The following PRSS8 variants were observed in gnomAD, a reference collection of about 807,000 sequenced individuals.
PRSS8 encodes the protein prostasin.
PRSS8 carries 11 observed loss-of-function variants against 26.7 expected under a neutral mutation model. The ratio of observed to expected loss-of-function variants is 0.41; its 90% CI spans 0.26 to 0.68. PRSS8 has a LOEUF of 0.68. Among genes scored for constraint, PRSS8 ranks in the 30% least tolerant of loss-of-function variants. The pLI is 0.30. For synonymous variants in PRSS8, 183 were observed against 187.0 expected (o/e 0.98, Z 0.17); for missense variants, 362 against 443.5 (o/e 0.82, Z 1.65).
Position 31,131,730 on chromosome 16 carries a change from A to G in PRSS8, c.*279T>C. 1 of 459,182 alleles carries G rather than the reference A, an allele frequency of 2.2e-6. No individual in the cohort carries two copies. Among genetic ancestry groups the G allele is most frequent in the East Asian group, 3.6e-5 (1 of 27,880 alleles). 28.4% of individuals were successfully genotyped at this position (459,182 alleles called of 1,614,324 possible). A position where few individuals can be genotyped will look rare whatever the true frequency, so the allele number is the denominator to read the frequency against. On this transcript the variant is annotated 3_prime_UTR_variant, in exon 6 of 6. Coordinates refer to ENST00000317508, the MANE Select transcript of PRSS8 (RefSeq NM_002773.5). ...GCTCATTTTCATAGCCAAGGGTCCC[A>G]GGAGCTCCCCAGGAGCTCGGCCAAT...
chr16:31,133,416 G>C lies in PRSS8; in HGVS notation c.104-28C>G. On this transcript the variant is annotated intron_variant, in intron 2 of 5. Transcript: ENST00000317508. The surrounding 1 kb of genome is among the most constrained non-coding windows in gnomAD (Gnocchi z 4.7). ...GCCCAGGGAGGAAGGGAAGGGGTCAGGTTGTTAGCCTGGCCACTCCTATGC... is the reference window on the plus strand; with the variant it reads ...GCCCAGGGAGGAAGGGAAGGGGTCACGTTGTTAGCCTGGCCACTCCTATGC... 6.2e-7 allele frequency: 1 copy of C among 1,611,664 alleles called. No homozygotes were observed. The highest frequency in any genetic ancestry group is 1.1e-5 in the South Asian group (1 of 90,970).
rs926279818 is a variant in PRSS8 at position 31,135,696 on chromosome 16, C to T, written c.-198G>A. 7 of 576,178 alleles carry T rather than the reference C, an allele frequency of 1.2e-5. No individual in the cohort carries two copies. Among genetic ancestry groups the T allele is most frequent in the East Asian group, 2.9e-5 (1 of 34,968 alleles). 35.7% of individuals were successfully genotyped at this position (576,178 alleles called of 1,614,324 possible). ...CGGGAGACGCCTGGAGTATCCGAAGCGAGCAGTGTGGACGAGTCACCAGCA... is the reference window on the plus strand; with the variant it reads ...CGGGAGACGCCTGGAGTATCCGAAGTGAGCAGTGTGGACGAGTCACCAGCA... On this transcript the variant is annotated 5_prime_UTR_variant, in exon 1 of 6. Transcript: ENST00000317508.
Position 31,133,159 on chromosome 16 carries a change from A to G in PRSS8, c.266+67T>C, listed in dbSNP as rs760690491. ...TCTCAGACCCAACCCAAGAACCCCA[A>G]CCTCTGACCTGGATTGACCCATTAA... On this transcript the variant is annotated intron_variant, in intron 3 of 5. Coordinates refer to ENST00000317508, the MANE Select transcript of PRSS8 (RefSeq NM_002773.5). The surrounding 1 kb of genome is among the most constrained non-coding windows in gnomAD (Gnocchi z 4.7). The G allele has an allele frequency of 6.8e-6, 11 of 1,608,422 alleles. No individual in the cohort carries two copies. The highest frequency in any genetic ancestry group is 4.4e-5 in the South Asian group (4 of 90,850).
chr16:31,134,934 G>A (rs900640345), intron 2 of PRSS8: 12 of 596,228 alleles, frequency 2.0e-5, no homozygotes, highest in Non-Finnish European at 3.5e-5. Context: ...GGAGTCAGAC[G>A]TGGATCTGAA....
chr16:31,135,550 C>T lies in PRSS8; in HGVS notation c.-52G>A. The T allele has an allele frequency of 2.1e-6, 3 of 1,436,604 alleles. No homozygotes were observed. Among genetic ancestry groups the T allele is most frequent in the Non-Finnish European group, 2.8e-6 (3 of 1,075,728 alleles). The allele number at this position is 1,436,604 out of a possible 1,614,324, so 89.0% of individuals were successfully genotyped here. A position where few individuals can be genotyped will look rare whatever the true frequency, so the allele number is the denominator to read the frequency against. On this transcript the variant is annotated 5_prime_UTR_variant, in exon 1 of 6. Transcript: ENST00000317508. Reference sequence around the variant, plus strand: ...GACTCCAGGCACGCAAGGTAGGAAGCCTTGGGGTGGTGTCGAAGGCAGGAC... The same window carrying T: ...GACTCCAGGCACGCAAGGTAGGAAGTCTTGGGGTGGTGTCGAAGGCAGGAC...
rs563382899 is a variant in PRSS8, at chr16:31,132,091, G to C, written c.950C>G (p.Ala317Gly). 63 of 1,609,398 alleles carry C rather than the reference G, an allele frequency of 3.9e-5. No individual in the cohort carries two copies. The highest frequency in any genetic ancestry group is 6.8e-5 in the Admixed American group (4 of 59,218). ...GSHLAFSSAP[A>G]QGLLRPILFL... is the part of the protein sequence containing the mutation. ...AAGGATGGGCCTCAGCAAGCCCTGG[G>C]CTGGGGCAGAGCTGAAGGCCAGGTG... is the stretch of plus-strand genomic sequence containing the variant. The change falls in exon 6 of 6, where the codon GCC (alanine) becomes GGC (glycine). Residue 317 changes from alanine to glycine, a missense_variant. By Grantham distance (60) the Ala-to-Gly change is moderately conservative. Transcript: ENST00000317508. This position sits in a 1 kb window ranked among gnomAD's most constrained non-coding sequence, Gnocchi z 5.2.
Position 31,133,198 on chromosome 16 carries a change from C to A in PRSS8, c.266+28G>T. ...TTGACCCATTAACTTTGACCTCCAG[C>A]CCACTTTTGACTTTCACCATTTGGT... On this transcript the variant is annotated intron_variant, in intron 3 of 5. Coordinates refer to ENST00000317508, the MANE Select transcript of PRSS8 (RefSeq NM_002773.5). This position sits in a 1 kb window ranked among gnomAD's most constrained non-coding sequence, Gnocchi z 4.7. 1 of 1,613,494 alleles carries A rather than the reference C, an allele frequency of 6.2e-7. No individual in the cohort carries two copies. Among genetic ancestry groups the A allele is most frequent in the Non-Finnish European group, 8.5e-7 (1 of 1,179,868 alleles).
chr16:31,133,192 C>T lies in PRSS8; in HGVS notation c.266+34G>A, dbSNP rs1440085734. On this transcript the variant is annotated intron_variant, in intron 3 of 5. Transcript: ENST00000317508. This position sits in a 1 kb window ranked among gnomAD's most constrained non-coding sequence, Gnocchi z 4.7. ...CCTGGATTGACCCATTAACTTTGAC[C>T]TCCAGCCCACTTTTGACTTTCACCA... The T allele has an allele frequency of 1.2e-6, 2 of 1,613,146 alleles. No homozygotes were observed. The highest frequency in any genetic ancestry group is 2.2e-5 in the East Asian group (1 of 44,892).
rs1372695276 is a variant in PRSS8, at chr16:31,133,362, G to A, written c.130C>T (p.Arg44Cys). The A allele has an allele frequency of 3.7e-6, 6 of 1,613,852 alleles. No homozygotes were observed. The highest frequency in any genetic ancestry group is 1.3e-5 in the African/African-American group (1 of 74,926). Residue 44 changes from arginine to cysteine, a missense_variant, in exon 3 of 6, where the codon CGC becomes TGC. Arg to Cys is a radical substitution (Grantham distance 180, BLOSUM62 -3). Coordinates refer to ENST00000317508, the MANE Select transcript of PRSS8 (RefSeq NM_002773.5). This position sits in a 1 kb window ranked among gnomAD's most constrained non-coding sequence, Gnocchi z 4.7. ...ACTGCACTGCTGCCACCTGTGATGC[G>A]TGCTTGGGGGGCCACACCGCAGGGA... The part of the protein sequence containing the change: ...EAPCGVAPQA[R>C]ITGGSSAVAG...
At position 31,133,424 on chromosome 16, in the gene PRSS8, G is replaced by A. The variant is rs1275458886; in HGVS notation, c.104-36C>T. The A allele has an allele frequency of 1.2e-6, 2 of 1,609,902 alleles. No individual in the cohort carries two copies. The highest frequency in any genetic ancestry group is 2.2e-5 in the East Asian group (1 of 44,850). ...AGGAAGGGAAGGGGTCAGGTTGTTA[G>A]CCTGGCCACTCCTATGCAGCCCAGG... On this transcript the variant is annotated intron_variant, in intron 2 of 5. Transcript: ENST00000317508. This position sits in a 1 kb window ranked among gnomAD's most constrained non-coding sequence, Gnocchi z 4.7.
chr16:31,132,840 A>T lies in PRSS8; in HGVS notation c.380T>A (p.Leu127His). 1 of 1,613,744 alleles carries T rather than the reference A, an allele frequency of 6.2e-7. No individual in the cohort carries two copies. Among genetic ancestry groups the T allele is most frequent in the African/African-American group, 1.3e-5 (1 of 74,962 alleles). The change falls in exon 4 of 6, where the codon CTC becomes CAC. Residue 127 changes from leucine (L) to histidine (H), a missense_variant. Coordinates refer to ENST00000317508, the MANE Select transcript of PRSS8 (RefSeq NM_002773.5). This position sits in a 1 kb window ranked among gnomAD's most constrained non-coding sequence, Gnocchi z 5.2. The part of the protein sequence containing the change: ...LKDIIPHPSY[L>H]QEGSQGDIAL... The stretch of plus-strand genomic sequence containing the variant: ...AATGTCGCCCTGGGAGCCCTCCTGG[A>T]GGTAGCTGGGGTGGGGGATGATGTC...
At chr16:31,135,358 T>G in intron 1 of PRSS8, 56 bp downstream of exon 1, 2 of 1,572,748 alleles carry the variant, frequency 1.3e-6, no homozygotes, top group Non-Finnish European at 1.7e-6. Context: ...CAGAAAATGA[T>G]CACGCCGGCT....
rs749828466 is a variant in PRSS8, at chr16:31,133,229, G to A, written c.263C>T (p.Pro88Leu). The A allele has an allele frequency of 6.2e-7, 1 of 1,613,842 alleles. No individual in the cohort carries two copies. Reference sequence around the variant, plus strand: ...TTTGACTTTCACCATTTGGTACCTGGGGAAGCAGTGAGCAGCTGACAGCAC... The same window carrying A: ...TTTGACTTTCACCATTTGGTACCTGAGGAAGCAGTGAGCAGCTGACAGCAC... ...QWVLSAAHCF[P>L]SEHHKEAYEV... Residue 88 changes from proline to leucine, a missense_variant, in exon 3 of 6, where the codon CCC becomes CTC. Physicochemically the swap from Pro to Leu is moderately conservative, Grantham distance 98. Transcript: ENST00000317508. This position sits in a 1 kb window ranked among gnomAD's most constrained non-coding sequence, Gnocchi z 4.7.
At position 31,132,853 on chromosome 16, in the gene PRSS8, G is replaced by T. The variant is rs184261629; in HGVS notation, c.367C>A (p.His123Asn). The T allele has an allele frequency of 2.3e-4, 373 of 1,613,890 alleles. 2 individuals carry two copies. The highest frequency in any genetic ancestry group is 2.9e-4 in the South Asian group (26 of 91,084). Residue 123 changes from histidine (H) to asparagine (N), a missense_variant, in exon 4 of 6, where the codon CAC (histidine) becomes AAC (asparagine). His to Asn is a moderately conservative substitution (Grantham distance 68). Coordinates refer to ENST00000317508, the MANE Select transcript of PRSS8 (RefSeq NM_002773.5). This position sits in a 1 kb window ranked among gnomAD's most constrained non-coding sequence, Gnocchi z 5.2. ...GAGCCCTCCTGGAGGTAGCTGGGGT[G>T]GGGGATGATGTCCTTCAGGGTGCTG... The part of the protein sequence containing the change: ...KVSTLKDIIP[H>N]PSYLQEGSQG...
At position 31,133,355 on chromosome 16, in the gene PRSS8, G is replaced by A. The variant is rs752206503; in HGVS notation, c.137C>T (p.Thr46Ile). 1.9e-6 allele frequency: 3 copies of A among 1,613,996 alleles called. No homozygotes were observed. The highest frequency in any genetic ancestry group is 2.5e-6 in the Non-Finnish European group (3 of 1,179,892). ...ACCGGCGACTGCACTGCTGCCACCTGTGATGCGTGCTTGGGGGGCCACACC... is the reference window on the plus strand; with the variant it reads ...ACCGGCGACTGCACTGCTGCCACCTATGATGCGTGCTTGGGGGGCCACACC... ...PCGVAPQARITGGSSAVAGQW... is the reference protein window; with the variant it reads ...PCGVAPQARIIGGSSAVAGQW... The change falls in exon 3 of 6, where the codon ACA (threonine) becomes ATA (isoleucine). Residue 46 changes from threonine to isoleucine, a missense_variant. By Grantham distance (89) the Thr-to-Ile change is moderately conservative (BLOSUM62 -1). Transcript: ENST00000317508. This position sits in a 1 kb window ranked among gnomAD's most constrained non-coding sequence, Gnocchi z 4.7.
chr16:31,132,877 T>A lies in PRSS8; in HGVS notation c.343A>T (p.Ser115Cys). ...LDSYSEDAKV[S>C]TLKDIIPHPS... ...TGGGGGATGATGTCCTTCAGGGTGC[T>A]GACCTTGGCGTCCTCGGAGTAGGAG... Residue 115 changes from serine (S) to cysteine (C), a missense_variant, in exon 4 of 6, where the codon AGC becomes TGC. Transcript: ENST00000317508. The surrounding 1 kb of genome is among the most constrained non-coding windows in gnomAD (Gnocchi z 5.2). The A allele has an allele frequency of 6.2e-7, 1 of 1,613,792 alleles. No individual in the cohort carries two copies. The highest frequency in any genetic ancestry group is 8.5e-7 in the Non-Finnish European group (1 of 1,179,816).
rs898272162 is a variant in PRSS8 at position 31,132,777 on chromosome 16, C to T, written c.443G>A (p.Arg148His). 1.2e-5 allele frequency: 20 copies of T among 1,613,798 alleles called. No individual in the cohort carries two copies. Among genetic ancestry groups the T allele is most frequent in the Non-Finnish European group, 1.6e-5 (19 of 1,179,870 alleles). The change falls in exon 4 of 6, where the codon CGC (arginine) becomes CAC (histidine). Residue 148 changes from arginine (R) to histidine (H), a missense_variant. Physicochemically the swap from Arg to His is conservative, Grantham distance 29. Transcript: ENST00000317508. This position sits in a 1 kb window ranked among gnomAD's most constrained non-coding sequence, Gnocchi z 5.2. ...LQLSRPITFSRYIRPICLPAA... is the reference protein window; with the variant it reads ...LQLSRPITFSHYIRPICLPAA... ...AGGGAGGCAGATGGGCCGGATGTAG[C>T]GGGAGAAGGTGATGGGTCTGCTGAG... is the stretch of plus-strand genomic sequence containing the variant.
chr16:31,133,504 C>T lies in PRSS8; in HGVS notation c.104-116G>A. ...TCACAGGAGTCAACACCCCTTTGTC[C>T]CCTCCCAGGCATGGGCAGTTGTGCC... On this transcript the variant is annotated intron_variant, in intron 2 of 5. Transcript: ENST00000317508. This position sits in a 1 kb window ranked among gnomAD's most constrained non-coding sequence, Gnocchi z 4.7. 1 of 1,296,162 alleles carries T rather than the reference C, an allele frequency of 7.7e-7. No individual in the cohort carries two copies. The highest frequency in any genetic ancestry group is 1.4e-5 in the South Asian group (1 of 70,418). 80.3% of individuals were successfully genotyped at this position (1,296,162 alleles called of 1,614,324 possible).
rs756778598 is a variant in PRSS8, at chr16:31,132,333, A to C, written c.708T>G (p.Gly236=). The C allele has an allele frequency of 1.2e-6, 2 of 1,613,836 alleles. No homozygotes were observed. The highest frequency in any genetic ancestry group is 1.7e-6 in the Non-Finnish European group (2 of 1,179,864). Residue 236 remains glycine, a splice_region_variant and synonymous_variant, in exon 6 of 6, where the codon GGT becomes GGG. Coordinates refer to ENST00000317508, the MANE Select transcript of PRSS8 (RefSeq NM_002773.5). This position sits in a 1 kb window ranked among gnomAD's most constrained non-coding sequence, Gnocchi z 5.2. The part of the protein sequence containing the change: ...YVEGGKDACQ[G]DSGGPLSCPV... Reference sequence around the variant, plus strand: ...GGCAGGAGAGTGGGCCCCCAGAGTCACCCTGAGGAGAGAAGCCACACAGCA... The same window carrying C: ...GGCAGGAGAGTGGGCCCCCAGAGTCCCCCTGAGGAGAGAAGCCACACAGCA...
Sources: gnomAD v4.1 joint callset for allele counts on GRCh38, gnomAD v4.1.1 for gene constraint, Gnocchi (gnomAD v3.1) non-coding constraint, MANE v1.5 for transcripts, NCBI Gene and HGNC (gene_info 2026-07-23, HGNC 2026-07-21) for gene names.